Variants in SORCS3 observed in about 807,000 individuals in gnomAD.
SORCS3 encodes the protein sortilin related VPS10 domain containing receptor 3.
Under a neutral mutation model 146.3 loss-of-function variants are expected in SORCS3, and 57 were observed. The observed-to-expected ratio is 0.39, with a 90% CI of 0.31 to 0.49. SORCS3 has a LOEUF of 0.49. Among genes scored for constraint, SORCS3 ranks in the 20% least tolerant of loss-of-function variants. The probability of loss-of-function intolerance (pLI) is 0.92; values close to 1 mark genes in which losing one functional copy is unlikely to be tolerated. For synonymous variants in SORCS3, 653 were observed against 618.5 expected (o/e 1.06, Z -0.83); for missense variants, 1,341 against 1,575.5 (o/e 0.85, Z 2.52).
chr10:105,115,691 C>A (rs1208736130), intron 7 of SORCS3, among the ~76,000 whole-genome samples: 1 of 152,096 alleles, frequency 6.6e-6, no homozygotes, highest in Non-Finnish European at 1.5e-5. Flanking sequence ...GATTTATATA[C>A]CCATCATGGA....
rs2056537296 is a variant in SORCS3 at position 105,195,190 on chromosome 10, A to G, written c.2010-4809A>G. Among the ~76,000 whole-genome samples, 4 of 152,324 alleles carry G rather than the reference A, an allele frequency of 2.6e-5. No individual in the cohort carries two copies. In the South Asian group the frequency reaches 8.3e-4, roughly 32 times the overall value. On this transcript the variant is annotated intron_variant, in intron 14 of 26. Transcript: ENST00000369701. ...ACTTTGTTCCCCCTGTAAAAGTACT[A>G]CACATATGAGAAGTGTGCTGTACCT...
intron 2 of SORCS3, among the ~76,000 whole-genome samples, chr10:104,893,278 A>G (rs956169550): frequency 6.6e-6 from 1 of 152,218 alleles, no homozygotes; most frequent in African/African-American, 2.4e-5. Context: ...AGAGTAACGT[A>G]ATGCAAGGCT....
chr10:105,253,230 G>C (rs1034516690), intron 23 of SORCS3, among the ~76,000 whole-genome samples: 3 of 152,190 alleles, frequency 2.0e-5, no homozygotes, highest in Non-Finnish European at 4.4e-5. Context: ...GACAGACAGA[G>C]AGAGAAAGAA....
At chr10:105,182,049 G>A (rs2056445612) in intron 14 of SORCS3, among the ~76,000 whole-genome samples, 1 of 151,812 alleles carries the variant, frequency 6.6e-6, no homozygotes. Flanking sequence ...TTTTACAGGG[G>A]CCAAAGAGAA....
chr10:104,643,738 G>T (rs7088915), intron 1 of SORCS3, among the ~76,000 whole-genome samples: 2 of 151,656 alleles, frequency 1.3e-5, no homozygotes, highest in African/African-American at 4.9e-5. Flanking sequence ...GTGTGTGTGT[G>T]TGTGTGTTGG....
intron 3 of SORCS3, among the ~76,000 whole-genome samples, chr10:104,962,853 A>G (rs571940067): frequency 2.0e-5 from 3 of 152,352 alleles, no homozygotes; most frequent in East Asian, 3.9e-4. Flanking sequence ...GTTAACGTGA[A>G]TGTTTGTTTC....
At chr10:104,873,822 A>T (rs1189136421) in intron 2 of SORCS3, among the ~76,000 whole-genome samples, 1 of 152,210 alleles carries the variant, frequency 6.6e-6, no homozygotes, top group African/African-American at 2.4e-5. Flanking sequence ...TTTCTCAACC[A>T]GTTCGGCTAA....
chr10:104,941,725 T>C (rs996171586), intron 3 of SORCS3, among the ~76,000 whole-genome samples: 39 of 152,172 alleles, frequency 2.6e-4, no homozygotes, highest in African/African-American at 9.2e-4. Flanking sequence ...ATTCCCTGGG[T>C]AGGTCTAGAT....
chr10:104,717,393 C>G (rs995140359), intron 1 of SORCS3, among the ~76,000 whole-genome samples: 2 of 151,494 alleles, frequency 1.3e-5, no homozygotes, highest in Admixed American at 1.3e-4. Context: ...AGGTTTCCTT[C>G]TGTTCTCCAG....
At chr10:104,742,761 C>T (rs996883416) in intron 1 of SORCS3, among the ~76,000 whole-genome samples, 19 of 152,068 alleles carry the variant, frequency 1.2e-4, no homozygotes, top group East Asian at 3.9e-4. Flanking sequence ...GCACAGTAAG[C>T]GCAGGGAGAC....
At chr10:104,842,948 G>A in intron 2 of SORCS3, 89 bp downstream of exon 2, 1 of 1,035,660 alleles carries the variant, frequency 9.7e-7, no homozygotes, top group Non-Finnish European at 1.5e-6. Flanking sequence ...TGGACTGGAA[G>A]GAGCAGAAGA....
intron 3 of SORCS3, among the ~76,000 whole-genome samples, chr10:104,961,631 T>C (rs1324738167): frequency 7.9e-5 from 12 of 152,188 alleles, no homozygotes; most frequent in Non-Finnish European, 1.8e-4. Context: ...AAGAATAATA[T>C]GAAGTAGCAG....
chr10:104,731,551 C>G (rs752347695), intron 1 of SORCS3, among the ~76,000 whole-genome samples: 1 of 152,166 alleles, frequency 6.6e-6, no homozygotes, highest in Non-Finnish European at 1.5e-5. Flanking sequence ...GGCTCAGTTT[C>G]CCTGTCACCT....
chr10:104,793,770 C>T (rs577931643), intron 1 of SORCS3, among the ~76,000 whole-genome samples: 13 of 152,168 alleles, frequency 8.5e-5, no homozygotes, highest in Middle Eastern at 6.8e-3. Context: ...TTGAAGTATA[C>T]CTGTAGTTCT....
intron 1 of SORCS3, among the ~76,000 whole-genome samples, chr10:104,702,518 C>T (rs35759937): frequency 0.21 from 32,160 of 152,140 alleles, 3,540 homozygotes; most frequent in Non-Finnish European, 0.25. Flanking sequence ...AAACTCCTGA[C>T]CTCAAGTGAT....
At chr10:104,826,171 A>C (rs985176031) in intron 1 of SORCS3, among the ~76,000 whole-genome samples, 6 of 152,122 alleles carry the variant, frequency 3.9e-5, no homozygotes, top group African/African-American at 1.4e-4. Flanking sequence ...CCCTTTTGTC[A>C]TAGTTATGCT....
chr10:104,754,681 C>G (rs1455841615), intron 1 of SORCS3, among the ~76,000 whole-genome samples: 1 of 152,180 alleles, frequency 6.6e-6, no homozygotes, highest in Non-Finnish European at 1.5e-5. Context: ...TGGAAATTTA[C>G]TTAGGAAATG....
intron 20 of SORCS3, among the ~76,000 whole-genome samples, chr10:105,242,504 A>ACATACATTTATATATATTTATATACATT (rs2056834457): frequency 1.1e-5 from 1 of 87,328 alleles, no homozygotes; most frequent in African/African-American, 4.7e-5. Context: ...ATATATATTT[A>ACATACATTTATATATATTTATATACATT]TATATATTTA....
intron 2 of SORCS3, among the ~76,000 whole-genome samples, chr10:104,896,262 C>A (rs1243762715): frequency 6.6e-6 from 1 of 152,210 alleles, no homozygotes; most frequent in African/African-American, 2.4e-5. Flanking sequence ...GACTTCCTCA[C>A]TGGTCTTATG....
Sources: allele counts gnomAD v4.1 joint callset (sites outside exome capture counted in the v4.1 genomes callset), GRCh38; gene constraint gnomAD v4.1.1; transcripts MANE v1.5; gene names NCBI Gene and HGNC (gene_info 2026-07-23, HGNC 2026-07-21).